Variants in MAGI1 observed in about 807,000 individuals in gnomAD.
The protein encoded by MAGI1 is membrane associated guanylate kinase, WW and PDZ domain containing 1.
In MAGI1, 58 loss-of-function variants were observed where a neutral mutation model predicts 139.9. That is an observed-to-expected ratio of 0.41 (90% CI 0.34 to 0.52). MAGI1 has a LOEUF of 0.52. Among genes scored for constraint, MAGI1 ranks in the 20% least tolerant of loss-of-function variants. MAGI1 has a pLI of 0.12. For missense variants in MAGI1, 1,874 were observed against 1,901.6 expected, an observed-to-expected ratio of 0.99 and a Z score of 0.27; for synonymous variants, 812 against 737.9, an observed-to-expected ratio of 1.10 and a Z score of -1.63.
At position 65,461,509 on chromosome 3, in the gene MAGI1, GAC is replaced by G. The variant is rs1272389689; in HGVS notation, c.960-8171_960-8170del. ...TGACTTTTTTTTTTTTTTTTTTTAAGACAGAGTCTCACTCTGTCGCCCAGGCT... is the reference window on the plus strand; with the variant it reads ...TGACTTTTTTTTTTTTTTTTTTTAAGAGAGTCTCACTCTGTCGCCCAGGCT... On this transcript the variant is annotated intron_variant, in intron 5 of 22. Transcript: ENST00000402939. Among the ~76,000 whole-genome samples, 27 of 95,874 alleles carry G rather than the reference GAC, an allele frequency of 2.8e-4. No individual in the cohort carries two copies. In the East Asian group the frequency reaches 6.7e-3, roughly 24 times the overall value. The allele number at this position is 95,874 out of a possible 152,430, so 62.9% of individuals were successfully genotyped here. A position where few individuals can be genotyped will look rare whatever the true frequency, so the allele number is the denominator to read the frequency against.
At chr3:65,443,993 A>G (rs1948510201) in intron 7 of MAGI1, among the ~76,000 whole-genome samples, 1 of 152,194 alleles carries the variant, frequency 6.6e-6, no homozygotes, top group African/African-American at 2.4e-5. Context: ...CATGCACACA[A>G]ACACATACAG....
At chr3:65,527,522 G>A (rs1046504673) in intron 2 of MAGI1, among the ~76,000 whole-genome samples, 1 of 152,074 alleles carries the variant, frequency 6.6e-6, no homozygotes, top group Non-Finnish European at 1.5e-5. Context: ...TCAGGAGATC[G>A]AGACCATCCT....
intron 2 of MAGI1, among the ~76,000 whole-genome samples, chr3:65,595,459 G>A (rs1315895190): frequency 6.6e-6 from 1 of 152,170 alleles, no homozygotes; most frequent in African/African-American, 2.4e-5. Flanking sequence ...GGACACACCA[G>A]GGGCCACCTC....
chr3:65,982,124 C>T (rs981986252), intron 1 of MAGI1, among the ~76,000 whole-genome samples: 2 of 152,192 alleles, frequency 1.3e-5, no homozygotes, highest in Admixed American at 6.5e-5. Context: ...TCCTGCAGTG[C>T]CATTTTGACC....
At chr3:65,487,092 T>A (rs761181323) in intron 3 of MAGI1, among the ~76,000 whole-genome samples, 1 of 152,218 alleles carries the variant, frequency 6.6e-6, no homozygotes, top group East Asian at 1.9e-4. Flanking sequence ...GGTTGCCAGA[T>A]GAAATGCAAG....
At chr3:65,741,465 C>T (rs565546833) in intron 1 of MAGI1, among the ~76,000 whole-genome samples, 4 of 152,326 alleles carry the variant, frequency 2.6e-5, no homozygotes, top group Non-Finnish European at 5.9e-5. Flanking sequence ...TGAGCCGCCA[C>T]GCCTGGCCTA....
intron 2 of MAGI1, among the ~76,000 whole-genome samples, chr3:65,586,530 T>C (rs1379987019): frequency 6.6e-6 from 1 of 152,174 alleles, no homozygotes; most frequent in Non-Finnish European, 1.5e-5. Context: ...AAAGAGTAAC[T>C]TTTGTTGCAA....
intron 2 of MAGI1, among the ~76,000 whole-genome samples, chr3:65,558,219 T>A (rs1269567612): frequency 6.6e-6 from 1 of 152,196 alleles, no homozygotes; most frequent in Non-Finnish European, 1.5e-5. Context: ...CCCCCATCTG[T>A]TTCTAAACGT....
intron 1 of MAGI1, among the ~76,000 whole-genome samples, chr3:65,982,942 C>T (rs914925621): frequency 3.3e-5 from 5 of 152,084 alleles, no homozygotes; most frequent in African/African-American, 7.2e-5. Flanking sequence ...TTTCTAAAGA[C>T]AGGCTCTCCC....
intron 1 of MAGI1, among the ~76,000 whole-genome samples, chr3:65,699,780 T>C (rs2089471079): frequency 6.8e-6 from 1 of 146,412 alleles, no homozygotes; most frequent in Non-Finnish European, 1.5e-5. Context: ...TAATGCTAGA[T>C]GACGAGTTAG....
chr3:65,538,639 T>A (rs186050103), intron 2 of MAGI1, among the ~76,000 whole-genome samples: 96 of 152,212 alleles, frequency 6.3e-4, no homozygotes, highest in Middle Eastern at 3.4e-3. Context: ...ATTATAGCCC[T>A]AATGTGATTC....
At chr3:65,986,026 G>C (rs925620166) in intron 1 of MAGI1, among the ~76,000 whole-genome samples, 1 of 152,158 alleles carries the variant, frequency 6.6e-6, no homozygotes. Context: ...TTGGCTTTTG[G>C]AGAATCAGCT....
chr3:65,988,300 G>T (rs2065987158), intron 1 of MAGI1, among the ~76,000 whole-genome samples: 1 of 152,158 alleles, frequency 6.6e-6, no homozygotes, highest in Admixed American at 6.6e-5. Flanking sequence ...TTTTTGAGGT[G>T]AAAGTTAAAG....
chr3:65,363,672 C>A lies in MAGI1; in HGVS notation c.3352-64G>T. On this transcript the variant is annotated intron_variant, in intron 20 of 22. Transcript: ENST00000402939. The stretch of plus-strand genomic sequence containing the variant: ...TAATATCCATAGGACTCTTCCTAAA[C>A]ATTCTTGGCAAAAAGGCACAATCTC... 10 of 1,447,506 alleles carry A rather than the reference C, an allele frequency of 6.9e-6. No homozygotes were observed. In the Admixed American group the frequency reaches 1.0e-4, roughly 15 times the overall value. The allele number at this position is 1,447,506 out of a possible 1,614,324, so 89.7% of individuals were successfully genotyped here.
At chr3:65,694,092 A>G (rs1425067546) in intron 1 of MAGI1, among the ~76,000 whole-genome samples, 2 of 152,248 alleles carry the variant, frequency 1.3e-5, no homozygotes, top group Non-Finnish European at 2.9e-5. Flanking sequence ...TAATCAGCAG[A>G]AAATCAATAA....
At chr3:65,872,885 G>C (rs1002320061) in intron 1 of MAGI1, 5 of 152,238 alleles carry the variant, frequency 3.3e-5, no homozygotes, top group African/African-American at 1.2e-4. Context: ...AGAAGAACCG[G>C]AACAGTGCTG....
At chr3:65,517,302 A>G (rs2077949595) in intron 2 of MAGI1, among the ~76,000 whole-genome samples, 1 of 152,088 alleles carries the variant, frequency 6.6e-6, no homozygotes, top group South Asian at 2.1e-4. Flanking sequence ...ATTTGCTCCA[A>G]TGTCACCTTC....
At chr3:65,673,064 G>A (rs2086964106) in intron 1 of MAGI1, among the ~76,000 whole-genome samples, 1 of 152,072 alleles carries the variant, frequency 6.6e-6, no homozygotes, top group African/African-American at 2.4e-5. Context: ...GACCGCCAGC[G>A]CCATCTGTCG....
At chr3:65,405,726 C>G (rs1945279883) in intron 12 of MAGI1, among the ~76,000 whole-genome samples, 1 of 152,144 alleles carries the variant, frequency 6.6e-6, no homozygotes, top group African/African-American at 2.4e-5. Flanking sequence ...TCCTGAGTAG[C>G]TGGGATTACA....
Sources: gnomAD v4.1 joint callset for allele counts (sites outside exome capture counted in the v4.1 genomes callset) on GRCh38, gnomAD v4.1.1 for gene constraint, MANE v1.5 for transcripts, NCBI Gene and HGNC (gene_info 2026-07-23, HGNC 2026-07-21) for gene names.